Variants in ICAM1 observed in about 807,000 individuals in gnomAD.
ICAM1 encodes ICAM-1.
A neutral mutation model predicts 42.3 loss-of-function variants in ICAM1; 28 were observed. The ratio of observed to expected loss-of-function variants is 0.66; its 90% CI spans 0.49 to 0.91. The LOEUF (loss-of-function observed/expected upper bound fraction) is 0.91. ICAM1 is among the 40% of genes least tolerant of loss of function. The probability of loss-of-function intolerance (pLI) is 0.00; values close to 1 mark genes in which losing one functional copy is unlikely to be tolerated. For missense variants in ICAM1, 637 were observed against 688.6 expected (o/e 0.93, Z 0.84); for synonymous variants, 304 against 305.9 (o/e 0.99, Z 0.07).
At position 10,284,976 on chromosome 19, in the gene ICAM1, G is replaced by T; in HGVS notation, c.1374G>T (p.Arg458=). The change falls in exon 6 of 7, where the codon CGG becomes CGT. Residue 458 remains arginine, a synonymous_variant. Coordinates refer to ENST00000264832, the MANE Select transcript of ICAM1 (RefSeq NM_000201.3). This position sits in a 1 kb window ranked among gnomAD's most constrained non-coding sequence, Gnocchi z 5.4. ...TRDLEGTYLC[R]ARSTQGEVTR... ...ATCTTGAGGGCACCTACCTCTGTCGGGCCAGGAGCACTCAAGGGGAGGTCA... is the reference window on the plus strand; with the variant it reads ...ATCTTGAGGGCACCTACCTCTGTCGTGCCAGGAGCACTCAAGGGGAGGTCA... The T allele has an allele frequency of 1.2e-6, 2 of 1,612,666 alleles. No individual in the cohort carries two copies. The highest frequency in any genetic ancestry group is 1.7e-6 in the Non-Finnish European group (2 of 1,179,126).
chr19:10,285,473 A>C lies in ICAM1; in HGVS notation c.*186A>C. 1 of 597,832 alleles carries C rather than the reference A, an allele frequency of 1.7e-6. No individual in the cohort carries two copies. Among genetic ancestry groups the C allele is most frequent in the Non-Finnish European group, 3.0e-6 (1 of 336,234 alleles). The allele number at this position is 597,832 out of a possible 1,614,324, so 37.0% of individuals were successfully genotyped here. ...GCCATGGTACCTGCACACCTAAAAC[A>C]CTAGGCCACGCATCTGATCTGTAGT... On this transcript the variant is annotated 3_prime_UTR_variant, in exon 7 of 7. Coordinates refer to ENST00000264832, the MANE Select transcript of ICAM1 (RefSeq NM_000201.3).
At chr19:10,278,484 G>A (rs187827453) in intron 2 of ICAM1, among the ~76,000 whole-genome samples, 1 of 147,552 alleles carries the variant, frequency 6.8e-6, no homozygotes, top group East Asian at 2.1e-4. Flanking sequence ...AACATTCCCA[G>A]CAGCTTCTGG....
At chr19:10,275,466 A>C (rs1220306299) in intron 2 of ICAM1, among the ~76,000 whole-genome samples, 1 of 152,168 alleles carries the variant, frequency 6.6e-6, no homozygotes, top group African/African-American at 2.4e-5. Flanking sequence ...AGTGCACTCC[A>C]GTCTGGATAA....
intron 2 of ICAM1, among the ~76,000 whole-genome samples, 190 bp downstream of exon 2, chr19:10,275,218 C>T (rs1317133039): frequency 6.6e-6 from 1 of 152,204 alleles, no homozygotes; most frequent in Non-Finnish European, 1.5e-5. Flanking sequence ...AAAGTATTTA[C>T]AGGCTGGGTG....
rs1318865619 is a variant in ICAM1 at position 10,285,263 on chromosome 19, G to A, written c.1575G>A (p.Pro525=). 2.5e-6 allele frequency: 4 copies of A among 1,613,986 alleles called. No homozygotes were observed. The highest frequency in any genetic ancestry group is 2.2e-5 in the East Asian group (1 of 44,882). The change falls in exon 7 of 7, where the codon CCG becomes CCA. Residue 525 remains proline (P), a synonymous_variant. Coordinates refer to ENST00000264832, the MANE Select transcript of ICAM1 (RefSeq NM_000201.3). ...CCCAAAAAGGGACCCCCATGAAACC[G>A]AACACACAAGCCACGCCTCCCTGAA... ...QQAQKGTPMK[P]NTQATPP is the part of the protein sequence containing the mutation.
intron 3 of ICAM1, 32 bp downstream of exon 3, chr19:10,283,818 TG>T (rs1669278096): frequency 1.4e-6 from 2 of 1,455,110 alleles, no homozygotes; most frequent in South Asian, 1.2e-5. Context: ...AGGGAGAAGG[TG>T]GGGGTGGGGT....
At position 10,285,383 on chromosome 19, in the gene ICAM1, A is replaced by C; in HGVS notation, c.*96A>C. On this transcript the variant is annotated 3_prime_UTR_variant, in exon 7 of 7. Transcript: ENST00000264832. The stretch of plus-strand genomic sequence containing the variant: ...TGGAAGACATATGCCATGCAGCTAC[A>C]CCTACCGGCCCTGGGACGCCGGAGG... 1 of 1,228,684 alleles carries C rather than the reference A, an allele frequency of 8.1e-7. No homozygotes were observed. Among genetic ancestry groups the C allele is most frequent in the Non-Finnish European group, 1.1e-6 (1 of 875,888 alleles). 76.1% of individuals were successfully genotyped at this position (1,228,684 alleles called of 1,614,324 possible).
Position 10,285,411 on chromosome 19 carries a change from A to G in ICAM1, c.*124A>G, listed in dbSNP as rs1192165222. On this transcript the variant is annotated 3_prime_UTR_variant, in exon 7 of 7. Coordinates refer to ENST00000264832, the MANE Select transcript of ICAM1 (RefSeq NM_000201.3). ...TACCGGCCCTGGGACGCCGGAGGAC[A>G]GGGCATTGTCCTCAGTCAGATACAA... 5 of 879,728 alleles carry G rather than the reference A, an allele frequency of 5.7e-6. No individual in the cohort carries two copies. In the East Asian group the frequency reaches 1.3e-4, roughly 23 times the overall value. 54.5% of individuals were successfully genotyped at this position (879,728 alleles called of 1,614,324 possible).
At position 10,283,609 on chromosome 19, in the gene ICAM1, G is replaced by T; in HGVS notation, c.460G>T (p.Glu154Ter). The stretch of plus-strand genomic sequence containing the variant: ...CCTCACCGTGGTGCTGCTCCGTGGG[G>T]AGAAGGAGCTGAAACGGGAGCCAGC... ...ANLTVVLLRG[E>*]KELKREPAVG... is the part of the protein sequence containing the mutation. Residue 154 changes from glutamate (E) to a stop codon, truncating the protein, a stop_gained, in exon 3 of 7, where the codon GAG becomes TAG. Coordinates refer to ENST00000264832, the MANE Select transcript of ICAM1 (RefSeq NM_000201.3). LOFTEE classifies it high-confidence loss of function. 2 of 1,614,020 alleles carry T rather than the reference G, an allele frequency of 1.2e-6. No homozygotes were observed. The highest frequency in any genetic ancestry group is 1.7e-6 in the Non-Finnish European group (2 of 1,180,006).
chr19:10,284,512 TCCAGCCCAGCCACTGGGCCCGAGGGC>T lies in ICAM1; in HGVS notation c.1041_1066del (p.Gln348ProfsTer96). ...GAGCCAAGGTGACGCTGAATGGGGT[TCCAGCCCAGCCACTGGGCCCGAGGGC>T]CCAGCTCCTGCTGAAGGCCACCCCA... On this transcript the variant is annotated frameshift_variant, in exon 5 of 7. Coordinates refer to ENST00000264832, the MANE Select transcript of ICAM1 (RefSeq NM_000201.3). LOFTEE classifies it high-confidence loss of function. The surrounding 1 kb of genome is among the most constrained non-coding windows in gnomAD (Gnocchi z 5.4). The T allele has an allele frequency of 1.9e-6, 3 of 1,613,974 alleles. No individual in the cohort carries two copies. Among genetic ancestry groups the T allele is most frequent in the Non-Finnish European group, 2.5e-6 (3 of 1,179,978 alleles).
chr19:10,271,213 G>A lies in ICAM1; in HGVS notation c.54G>A (p.Gly18=). The A allele has an allele frequency of 1.2e-6, 2 of 1,613,350 alleles. No individual in the cohort carries two copies. The highest frequency in any genetic ancestry group is 1.3e-5 in the African/African-American group (1 of 75,048). The stretch of plus-strand genomic sequence containing the variant: ...TGCCCGCACTCCTGGTCCTGCTCGG[G>A]GCTCTGTTCCCAGGTGAGTCGGGGT... ...PALPALLVLL[G]ALFPGPGNAQ... Residue 18 remains glycine, a synonymous_variant, in exon 1 of 7, where the codon GGG becomes GGA. Transcript: ENST00000264832.
rs1424846516 is a variant in ICAM1 at position 10,284,323 on chromosome 19, A to G, written c.925+3A>G. On this transcript the variant is annotated splice_donor_region_variant and intron_variant, in intron 4 of 6. Coordinates refer to ENST00000264832, the MANE Select transcript of ICAM1 (RefSeq NM_000201.3). This position sits in a 1 kb window ranked among gnomAD's most constrained non-coding sequence, Gnocchi z 5.4. The stretch of plus-strand genomic sequence containing the variant: ...ACTGCAGACAGTGACCATCTACAGT[A>G]AGAAGGGGCAGGGGCGGAGTGGGGC... The G allele has an allele frequency of 6.2e-7, 1 of 1,613,114 alleles. No individual in the cohort carries two copies. Among genetic ancestry groups the G allele is most frequent in the Non-Finnish European group, 8.5e-7 (1 of 1,179,816 alleles).
At chr19:10,283,907 G>C (rs748387101) in intron 3 of ICAM1, 121 bp downstream of exon 3, 62 of 1,439,176 alleles carry the variant, frequency 4.3e-5, no homozygotes, top group Middle Eastern at 1.8e-4. Flanking sequence ...ATGTGTTCTA[G>C]GCGTATGTGA....
chr19:10,284,068 C>T lies in ICAM1; in HGVS notation c.673C>T (p.Arg225Trp), dbSNP rs1568295295. 4.3e-6 allele frequency: 7 copies of T among 1,613,798 alleles called. No homozygotes were observed. Among genetic ancestry groups the T allele is most frequent in the South Asian group, 1.1e-5 (1 of 91,076 alleles). ...GACTCCCCCACAACTTGTCAGCCCC[C>T]GGGTCCTAGAGGTGGACACGCAGGG... ...PATPPQLVSPRVLEVDTQGTV... is the reference protein window; with the variant it reads ...PATPPQLVSPWVLEVDTQGTV... The change falls in exon 4 of 7, where the codon CGG becomes TGG. Residue 225 changes from arginine to tryptophan, a missense_variant. By Grantham distance (101) the Arg-to-Trp change is moderately radical. Transcript: ENST00000264832. The surrounding 1 kb of genome is among the most constrained non-coding windows in gnomAD (Gnocchi z 5.4).
At chr19:10,275,444 C>T (rs1956880119) in intron 2 of ICAM1, among the ~76,000 whole-genome samples, 3 of 152,076 alleles carry the variant, frequency 2.0e-5, no homozygotes, top group South Asian at 2.1e-4. Context: ...TGCAGTGAGC[C>T]GCGATCGTGC....
At chr19:10,273,487 C>G (rs374143217) in intron 1 of ICAM1, among the ~76,000 whole-genome samples, 1,784 of 125,360 alleles carry the variant, frequency 0.014, 29 homozygotes, top group African/African-American at 0.05. Flanking sequence ...AGCTAAACTC[C>G]GTCTCAAAAA....
At chr19:10,283,009 T>A (rs2145498591) in intron 2 of ICAM1, 1 of 151,714 alleles carries the variant, frequency 6.6e-6, no homozygotes, top group South Asian at 2.1e-4. Flanking sequence ...GGAGACTCAG[T>A]CTAAAAACTT....
At position 10,284,612 on chromosome 19, in the gene ICAM1, G is replaced by C. The variant is rs376622574; in HGVS notation, c.1135G>C (p.Gly379Arg). 5.6e-6 allele frequency: 9 copies of C among 1,614,100 alleles called. No homozygotes were observed. In the Admixed American group the frequency reaches 1.3e-4, roughly 24 times the overall value. The change falls in exon 5 of 7, where the codon GGC becomes CGC. Residue 379 changes from glycine to arginine, a missense_variant. Transcript: ENST00000264832. The surrounding 1 kb of genome is among the most constrained non-coding windows in gnomAD (Gnocchi z 5.4). ...CTGCTCTGCAACCCTGGAGGTGGCC[G>C]GCCAGCTTATACACAAGAACCAGAC... ...FSCSATLEVA[G>R]QLIHKNQTRE...
intron 1 of ICAM1, among the ~76,000 whole-genome samples, chr19:10,274,316 T>G (rs1353467368): frequency 4.0e-5 from 6 of 149,342 alleles, no homozygotes; most frequent in Admixed American, 4.0e-4. Context: ...CTCATAATTT[T>G]TTTTTTTTTT....
Sources: gnomAD v4.1 joint callset for allele counts (sites outside exome capture counted in the v4.1 genomes callset) on GRCh38, gnomAD v4.1.1 for gene constraint, Gnocchi (gnomAD v3.1) non-coding constraint, MANE v1.5 for transcripts, NCBI Gene and HGNC (gene_info 2026-07-23, HGNC 2026-07-21) for gene names.